The following NLK variants were observed in gnomAD, a reference collection of about 807,000 sequenced individuals.
NLK encodes the protein serine/threonine-protein kinase NLK.
In NLK, 11 loss-of-function variants were observed where a neutral mutation model predicts 59.0. The ratio of observed to expected loss-of-function variants is 0.19; its 90% CI spans 0.12 to 0.31. The LOEUF (loss-of-function observed/expected upper bound fraction) is 0.31, where lower values mean the gene tolerates loss of function less well. Ranked by LOEUF, NLK falls within the 10% of genes least tolerant of loss-of-function variation. The pLI is 1.00. For missense variants in NLK, 410 were observed against 661.1 expected (o/e 0.62, Z 4.16); for synonymous variants, 235 against 235.9 (o/e 1.00, Z 0.03).
At chr17:28,090,622 C>T (rs977658020) in intron 1 of NLK, among the ~76,000 whole-genome samples, 12 of 151,690 alleles carry the variant, frequency 7.9e-5, no homozygotes, top group Admixed American at 3.9e-4. Context: ...TTTGGGAGGC[C>T]GAGAGGTGGG....
At chr17:28,069,980 A>G (rs1356196624) in intron 1 of NLK, among the ~76,000 whole-genome samples, 1 of 152,118 alleles carries the variant, frequency 6.6e-6, no homozygotes, top group Non-Finnish European at 1.5e-5. Flanking sequence ...TCGTGCCTGT[A>G]ATCCTAGCAT....
intron 1 of NLK, among the ~76,000 whole-genome samples, chr17:28,098,823 C>T (rs1407655764): frequency 6.6e-6 from 1 of 151,884 alleles, no homozygotes; most frequent in African/African-American, 2.4e-5. Context: ...GCTGCGATTA[C>T]AGACATGCGC....
chr17:28,172,794 C>A (rs561714860), intron 7 of NLK, among the ~76,000 whole-genome samples, 176 bp downstream of exon 7: 1 of 152,026 alleles, frequency 6.6e-6, no homozygotes, highest in Non-Finnish European at 1.5e-5. Flanking sequence ...AATAAAATCT[C>A]ATTCCTAATG....
intron 1 of NLK, among the ~76,000 whole-genome samples, chr17:28,091,682 A>G (rs1378433161): frequency 6.6e-6 from 1 of 152,162 alleles, no homozygotes; most frequent in East Asian, 1.9e-4. Flanking sequence ...GAATTTCCAT[A>G]GTAATCTCTA....
At chr17:28,148,451 A>G (rs1198433478) in intron 3 of NLK, among the ~76,000 whole-genome samples, 1 of 152,208 alleles carries the variant, frequency 6.6e-6, no homozygotes, top group African/African-American at 2.4e-5. Context: ...TTATAATTTG[A>G]CTAAAGAAGG....
chr17:28,105,097 A>G (rs1173901847), intron 1 of NLK, among the ~76,000 whole-genome samples: 1 of 151,922 alleles, frequency 6.6e-6, no homozygotes, highest in Non-Finnish European at 1.5e-5. Context: ...GCTGCAGACT[A>G]TTTTCCTGTT....
intron 1 of NLK, among the ~76,000 whole-genome samples, chr17:28,107,296 G>A (rs189472760): frequency 6.6e-5 from 10 of 152,066 alleles, no homozygotes; most frequent in Non-Finnish European, 1.0e-4. Flanking sequence ...TTAGCTGGGC[G>A]TGGTGGCAGG....
chr17:28,184,970 T>C (rs1693010370), intron 7 of NLK, among the ~76,000 whole-genome samples: 1 of 151,922 alleles, frequency 6.6e-6, no homozygotes, highest in African/African-American at 2.4e-5. Flanking sequence ...TAAAAATAAG[T>C]AAATAAATAA....
intron 1 of NLK, among the ~76,000 whole-genome samples, chr17:28,094,246 A>C (rs887594417): frequency 5.9e-5 from 9 of 152,212 alleles, no homozygotes; most frequent in African/African-American, 2.2e-4. Flanking sequence ...GTTTCTGAGC[A>C]AAAACAACCC....
Position 28,046,086 on chromosome 17 carries a change from A to G in NLK, c.458+2755A>G, listed in dbSNP as rs1034127691. Among the ~76,000 whole-genome samples, 12 of 152,254 alleles carry G rather than the reference A, an allele frequency of 7.9e-5. 1 individual carries two copies. The highest frequency in any genetic ancestry group is 3.9e-4 in the Admixed American group (6 of 15,288). On this transcript the variant is annotated intron_variant, in intron 1 of 10. Coordinates refer to ENST00000407008, the MANE Select transcript of NLK (RefSeq NM_016231.5). ...TCCTTGGGGACATACACCCAGGGGT[A>G]CTAACTGATGGCTAAAAAAGTGGCA...
At chr17:28,110,992 C>T (rs1289721333) in intron 1 of NLK, among the ~76,000 whole-genome samples, 3 of 148,792 alleles carry the variant, frequency 2.0e-5, no homozygotes, top group Non-Finnish European at 4.5e-5. Flanking sequence ...CTACAGGCGC[C>T]CGCCACTACG....
chr17:28,154,084 C>T (rs1365791214), intron 3 of NLK, among the ~76,000 whole-genome samples: 1 of 152,068 alleles, frequency 6.6e-6, no homozygotes, highest in Non-Finnish European at 1.5e-5. Flanking sequence ...TTCCTGTAGT[C>T]CCCTTAAATT....
chr17:28,138,881 A>T (rs1394519838), intron 3 of NLK, among the ~76,000 whole-genome samples: 1 of 152,240 alleles, frequency 6.6e-6, no homozygotes, highest in Non-Finnish European at 1.5e-5. Context: ...CCAATAGATG[A>T]TTTCTGGTCC....
At chr17:28,185,653 A>G (rs1386467851) in intron 8 of NLK, among the ~76,000 whole-genome samples, 2 of 152,004 alleles carry the variant, frequency 1.3e-5, no homozygotes, top group Non-Finnish European at 2.9e-5. Context: ...GGCCCAAGCA[A>G]TCCTCCTACC....
At chr17:28,078,269 G>A (rs1910233880) in intron 1 of NLK, among the ~76,000 whole-genome samples, 1 of 151,918 alleles carries the variant, frequency 6.6e-6, no homozygotes, top group African/African-American at 2.4e-5. Context: ...GAAATAACAT[G>A]CCTTTTTTCA....
chr17:28,107,784 A>T (rs1597684519), intron 1 of NLK, among the ~76,000 whole-genome samples: 1 of 152,196 alleles, frequency 6.6e-6, no homozygotes, highest in South Asian at 2.1e-4. Flanking sequence ...TTGATCTGGG[A>T]TGGGATACTG....
In NLK at chr17:28,157,297, T is replaced by C. The variant is rs565320680; in HGVS notation, c.645-3863T>C. On this transcript the variant is annotated intron_variant, in intron 3 of 10. Coordinates refer to ENST00000407008, the MANE Select transcript of NLK (RefSeq NM_016231.5). The stretch of plus-strand genomic sequence containing the variant: ...ACCTCTGCCTCCTGTGTTAAAGTTG[T>C]TCTCCTGCCTCAGCCTCCAAGTAAC... Among the ~76,000 whole-genome samples, 9 of 152,304 alleles carry C rather than the reference T, an allele frequency of 5.9e-5. No individual in the cohort carries two copies. In the East Asian group the frequency reaches 1.7e-3, roughly 29 times the overall value.
chr17:28,144,058 C>T (rs2142032013), intron 3 of NLK, among the ~76,000 whole-genome samples: 1 of 152,146 alleles, frequency 6.6e-6, no homozygotes, highest in South Asian at 2.1e-4. Flanking sequence ...AAATGTAAGT[C>T]ATAGACTATG....
intron 1 of NLK, among the ~76,000 whole-genome samples, chr17:28,104,673 TGAGATG>T (rs1905017478): frequency 6.6e-6 from 1 of 151,928 alleles, no homozygotes; most frequent in South Asian, 2.1e-4. Flanking sequence ...TCTTACTGGG[TGAGATG>T]GACAAGCAGA....
Sources: gnomAD v4.1 joint callset for allele counts (sites outside exome capture counted in the v4.1 genomes callset) on GRCh38, gnomAD v4.1.1 for gene constraint, MANE v1.5 for transcripts, NCBI Gene and HGNC (gene_info 2026-07-23, HGNC 2026-07-21) for gene names.